The following MRPL39 variants were observed in gnomAD, a reference collection of about 807,000 sequenced individuals.
MRPL39 encodes large ribosomal subunit protein mL39.
In MRPL39, 35 loss-of-function variants were observed where a neutral mutation model predicts 44.5. That is an observed-to-expected ratio of 0.79 (90% CI 0.60 to 1.04). The LOEUF is 1.04. Among genes scored for constraint, MRPL39 ranks in the 50% least tolerant of loss-of-function variants. The probability of loss-of-function intolerance (pLI) is 0.00; values close to 1 mark genes in which losing one functional copy is unlikely to be tolerated. For missense variants in MRPL39, 433 were observed against 413.5 expected (o/e 1.05, Z -0.41); for synonymous variants, 139 against 136.1 (o/e 1.02, Z -0.15).
At chr21:25,606,883 G>A (rs1046669795) in intron 1 of MRPL39, among the ~76,000 whole-genome samples, 5 of 152,146 alleles carry the variant, frequency 3.3e-5, no homozygotes, top group Non-Finnish European at 5.9e-5. Context: ...TTTACAATAA[G>A]GGGCAAAAAG....
At chr21:25,604,490 C>A (rs1232501430) in intron 2 of MRPL39, among the ~76,000 whole-genome samples, 1 of 152,096 alleles carries the variant, frequency 6.6e-6, no homozygotes, top group African/African-American at 2.4e-5. Flanking sequence ...TTAATACACA[C>A]CTACAAAAAT....
chr21:25,585,984 AC>A (rs567874906), intron 9 of MRPL39, among the ~76,000 whole-genome samples: 12 of 152,236 alleles, frequency 7.9e-5, no homozygotes, highest in Non-Finnish European at 1.6e-4. Flanking sequence ...GGCATATTAT[AC>A]CTAGGCTTCT....
rs2031222504 is a variant in MRPL39, at chr21:25,592,842, G to A, written c.891C>T (p.Phe297=). 6.2e-7 allele frequency: 1 copy of A among 1,612,140 alleles called. No individual in the cohort carries two copies. Among genetic ancestry groups the A allele is most frequent in the East Asian group, 2.2e-5 (1 of 44,848 alleles). The change falls in exon 8 of 10, where the codon TTC becomes TTT. Residue 297 remains phenylalanine, a synonymous_variant. Transcript: ENST00000352957. ...AGTGAACAGGTAAAGACACGCCCTGGAATCTTCGTATGAGACTTGGCTGGG... is the reference window on the plus strand; with the variant it reads ...AGTGAACAGGTAAAGACACGCCCTGAAATCTTCGTATGAGACTTGGCTGGG... ...QPTQPSLIRR[F]QGVSLPVHLR... is the part of the protein sequence containing the mutation.
intron 6 of MRPL39, among the ~76,000 whole-genome samples, 178 bp downstream of exon 6, chr21:25,597,124 T>C (rs2031383218): frequency 6.6e-6 from 1 of 152,214 alleles, no homozygotes; most frequent in South Asian, 2.1e-4. Context: ...GAGAAAATTA[T>C]CAAGGGACAT....
At chr21:25,603,994 T>G in intron 2 of MRPL39, 59 bp from the exon 3 acceptor site, 1 of 1,483,314 alleles carries the variant, frequency 6.7e-7, no homozygotes, top group Non-Finnish European at 9.2e-7. Flanking sequence ...GTTACATGTT[T>G]AAGTGCTATA....
At chr21:25,594,408 T>C (rs2031289265) in intron 6 of MRPL39, among the ~76,000 whole-genome samples, 1 of 151,780 alleles carries the variant, frequency 6.6e-6, no homozygotes, top group Non-Finnish European at 1.5e-5. Flanking sequence ...TGAGCCACCA[T>C]GCCGGGCTAA....
At chr21:25,605,358 G>C (rs951910206) in intron 2 of MRPL39, among the ~76,000 whole-genome samples, 2 of 152,080 alleles carry the variant, frequency 1.3e-5, no homozygotes, top group Non-Finnish European at 2.9e-5. Flanking sequence ...TCTCCTTTAA[G>C]ATATACATAA....
At position 25,603,823 on chromosome 21, in the gene MRPL39, T is replaced by G. The variant is rs572029241; in HGVS notation, c.393A>C (p.Lys131Asn). 2 of 1,611,640 alleles carry G rather than the reference T, an allele frequency of 1.2e-6. No homozygotes were observed. The highest frequency in any genetic ancestry group is 1.7e-6 in the Non-Finnish European group (2 of 1,178,984). Residue 131 changes from lysine to asparagine, a missense_variant, in exon 3 of 10, where the codon AAA becomes AAC. By Grantham distance (94) the Lys-to-Asn change is moderately conservative. Coordinates refer to ENST00000352957, the MANE Select transcript of MRPL39 (RefSeq NM_017446.4). ...KSCEIKFLTF[K>N]DCDPGEVNKA... ...TATTCACTTCTCCTGGATCACAATC[T>G]TTGAAAGTAAGAAATTTAATTTCAC... is the stretch of plus-strand genomic sequence containing the variant.
intron 2 of MRPL39, among the ~76,000 whole-genome samples, chr21:25,605,375 T>G (rs2031631908): frequency 1.3e-5 from 2 of 152,162 alleles, no homozygotes; most frequent in Admixed American, 1.3e-4. Flanking sequence ...ATAAATACTT[T>G]TACCCCAATC....
chr21:25,607,272 C>T, intron 1 of MRPL39, 131 bp downstream of exon 1: 2 of 975,340 alleles, frequency 2.1e-6, no homozygotes, highest in East Asian at 2.5e-5. Flanking sequence ...AGAGCGACCG[C>T]CGCGGAGGGA....
At chr21:25,603,672 C>A in intron 3 of MRPL39, 124 bp downstream of exon 3, 1 of 1,007,710 alleles carries the variant, frequency 9.9e-7, no homozygotes, top group Non-Finnish European at 1.4e-6. Flanking sequence ...AAAACATTGA[C>A]TAAAGAGTAC....
chr21:25,606,384 T>C, intron 2 of MRPL39, 65 bp downstream of exon 2: 1 of 1,371,774 alleles, frequency 7.3e-7, no homozygotes. Context: ...TCCTGTCTCC[T>C]GCACCAGTGC....
In MRPL39 at chr21:25,588,863, T is replaced by C. The variant is rs1439904869; in HGVS notation, c.941A>G (p.Asp314Gly). 6.2e-7 allele frequency: 1 copy of C among 1,613,158 alleles called. No homozygotes were observed. Among genetic ancestry groups the C allele is most frequent in the East Asian group, 2.2e-5 (1 of 44,782 alleles). The change falls in exon 9 of 10, where the codon GAT becomes GGT. Residue 314 changes from aspartate (D) to glycine (G), a missense_variant. Asp to Gly is a moderately conservative substitution (Grantham distance 94). Coordinates refer to ENST00000352957, the MANE Select transcript of MRPL39 (RefSeq NM_017446.4). ...TTTCCGAGATCTTTCCAATAGCTTA[T>C]CCCATATTGTAAAATGTGCCTTGAA... Reference protein sequence around the residue: ...VHLRAHFTIWDKLLERSRKMV... With the variant: ...VHLRAHFTIWGKLLERSRKMV...
At chr21:25,600,304 A>G (rs3819039) in intron 4 of MRPL39, among the ~76,000 whole-genome samples, 118,244 of 150,630 alleles carry the variant, frequency 0.78, 46,603 homozygotes, top group Non-Finnish European at 0.82. Context: ...TCTGAGGCAG[A>G]AGAATCGCTT....
intron 2 of MRPL39, among the ~76,000 whole-genome samples, chr21:25,605,474 G>C (rs955400982): frequency 1.3e-5 from 2 of 152,048 alleles, no homozygotes; most frequent in African/African-American, 2.4e-5. Context: ...GAGCCAAGTG[G>C]AAAGCAGATG....
rs530087819 is a variant in MRPL39 at position 25,603,170 on chromosome 21, T to C, written c.420+626A>G. On this transcript the variant is annotated intron_variant, in intron 3 of 9. Transcript: ENST00000352957. ...TTACCCAGTCTCAGGGAGTTCTTTATAGCCGTGTGAAAACGGACTAATACA... is the reference window on the plus strand; with the variant it reads ...TTACCCAGTCTCAGGGAGTTCTTTACAGCCGTGTGAAAACGGACTAATACA... Among the ~76,000 whole-genome samples, 19 of 152,244 alleles carry C rather than the reference T, an allele frequency of 1.2e-4. No homozygotes were observed. In the South Asian group the frequency reaches 3.7e-3, roughly 30 times the overall value.
intron 8 of MRPL39, among the ~76,000 whole-genome samples, chr21:25,592,596 T>C (rs1311284370): frequency 3.9e-5 from 6 of 152,210 alleles, no homozygotes; most frequent in Non-Finnish European, 7.4e-5. Flanking sequence ...TTAAATGCTA[T>C]GTCAATTTAA....
chr21:25,606,669 A>G lies in MRPL39; in HGVS notation c.74-14T>C, dbSNP rs1218505652. 3.3e-5 allele frequency: 53 copies of G among 1,592,860 alleles called. No homozygotes were observed. The highest frequency in any genetic ancestry group is 4.4e-5 in the Non-Finnish European group (51 of 1,163,598). ...TTGCTATAAATCCTGTGGAGAAGTT[A>G]CAATAAATATGAAGACTGAAAAAAT... is the stretch of plus-strand genomic sequence containing the variant. On this transcript the variant is annotated splice_polypyrimidine_tract_variant and intron_variant, in intron 1 of 9. Transcript: ENST00000352957.
chr21:25,602,318 A>G (rs2031546060), intron 3 of MRPL39, among the ~76,000 whole-genome samples: 1 of 152,234 alleles, frequency 6.6e-6, no homozygotes, highest in Admixed American at 6.5e-5. Flanking sequence ...ACTATTTCCT[A>G]AATCAGTAAC....
Sources: gnomAD v4.1 joint callset for allele counts (sites outside exome capture counted in the v4.1 genomes callset) on GRCh38, gnomAD v4.1.1 for gene constraint, MANE v1.5 for transcripts, NCBI Gene and HGNC (gene_info 2026-07-23, HGNC 2026-07-21) for gene names.